Variants in ASCC3 observed in about 807,000 individuals in gnomAD.
ASCC3 encodes ASC-1 complex subunit P200.
A neutral mutation model predicts 256.3 loss-of-function variants in ASCC3; 158 were observed. The ratio of observed to expected loss-of-function variants is 0.62; its 90% CI spans 0.54 to 0.70. The LOEUF (loss-of-function observed/expected upper bound fraction) is 0.70. Ranked by LOEUF, ASCC3 falls within the 30% of genes least tolerant of loss-of-function variation. ASCC3 has a pLI of 0.00. For synonymous variants in ASCC3, 948 were observed against 883.4 expected (o/e 1.07, Z -1.30); for missense variants, 2,259 against 2,626.0 (o/e 0.86, Z 3.05).
intron 36 of ASCC3, among the ~76,000 whole-genome samples, chr6:100,544,537 C>A (rs1450263744): frequency 1.3e-5 from 2 of 151,928 alleles, no homozygotes; most frequent in East Asian, 3.9e-4. Context: ...ATATGAACAG[C>A]TTTATGCCTT....
intron 36 of ASCC3, among the ~76,000 whole-genome samples, chr6:100,561,108 A>AT (rs1344936387): frequency 6.7e-6 from 1 of 150,354 alleles, no homozygotes; most frequent in Non-Finnish European, 1.5e-5. Context: ...ATATCTGTAG[A>AT]TTTTTGTCTT....
chr6:100,582,731 G>A (rs1241034493), intron 36 of ASCC3, among the ~76,000 whole-genome samples: 2 of 151,924 alleles, frequency 1.3e-5, no homozygotes, highest in African/African-American at 2.4e-5. Context: ...GTTTGTCATA[G>A]ATAGCTCTTA....
intron 4 of ASCC3, among the ~76,000 whole-genome samples, chr6:100,837,896 A>C (rs1771954820): frequency 6.6e-6 from 1 of 152,114 alleles, no homozygotes; most frequent in Non-Finnish European, 1.5e-5. Flanking sequence ...TTTAATGTAA[A>C]AAAGGAATGA....
chr6:100,800,258 C>A, intron 6 of ASCC3, 42 bp downstream of exon 6: 1 of 1,585,468 alleles, frequency 6.3e-7, no homozygotes, highest in African/African-American at 1.3e-5. Context: ...GTAAAAGCAG[C>A]AATTACAACA....
At chr6:100,615,098 C>T (rs117814476) in intron 30 of ASCC3, among the ~76,000 whole-genome samples, 2,455 of 152,006 alleles carry the variant, frequency 0.016, 27 homozygotes, top group Non-Finnish European at 0.024. Context: ...TCACAGCAAC[C>T]TCTGTCTCCC....
intron 34 of ASCC3, among the ~76,000 whole-genome samples, chr6:100,590,553 T>C (rs1771953225): frequency 1.3e-5 from 2 of 152,098 alleles, no homozygotes; most frequent in African/African-American, 4.8e-5. Flanking sequence ...AGGTGAACCC[T>C]ATATCCTAGT....
chr6:100,682,334 T>C (rs1033258197), intron 13 of ASCC3, among the ~76,000 whole-genome samples: 1 of 152,184 alleles, frequency 6.6e-6, no homozygotes, highest in African/African-American at 2.4e-5. Context: ...TGAGAATCTA[T>C]TATGATGAAT....
intron 3 of ASCC3, among the ~76,000 whole-genome samples, chr6:100,854,896 A>C (rs1336365529): frequency 1.3e-5 from 2 of 152,178 alleles, no homozygotes; most frequent in Non-Finnish European, 2.9e-5. Context: ...AGGAAAAACA[A>C]ACAAAAAAGA....
At chr6:100,543,913 A>G (rs1775584042) in intron 36 of ASCC3, among the ~76,000 whole-genome samples, 1 of 152,116 alleles carries the variant, frequency 6.6e-6, no homozygotes. Flanking sequence ...ATTTATTCTC[A>G]AGAACACAGA....
intron 4 of ASCC3, among the ~76,000 whole-genome samples, chr6:100,811,093 G>A (rs932877325): frequency 3.3e-5 from 5 of 152,026 alleles, no homozygotes; most frequent in Admixed American, 6.6e-5. Context: ...GTCCAACAAC[G>A]TAAATATTTC....
intron 34 of ASCC3, among the ~76,000 whole-genome samples, chr6:100,595,324 G>A (rs1189318639): frequency 3.3e-5 from 5 of 151,996 alleles, no homozygotes; most frequent in African/African-American, 1.2e-4. Flanking sequence ...ATAATTATCA[G>A]TTAAAATTTT....
intron 36 of ASCC3, among the ~76,000 whole-genome samples, chr6:100,585,605 T>G (rs1771611261): frequency 6.6e-6 from 1 of 152,244 alleles, no homozygotes; most frequent in Non-Finnish European, 1.5e-5. Flanking sequence ...CCCTCCAGCT[T>G]TGTTCCGTTG....
At chr6:100,583,813 C>G (rs1771468236) in intron 36 of ASCC3, among the ~76,000 whole-genome samples, 1 of 152,158 alleles carries the variant, frequency 6.6e-6, no homozygotes, top group Non-Finnish European at 1.5e-5. Flanking sequence ...TTTCAAAGAA[C>G]ATCTTTATTT....
At chr6:100,782,871 T>A (rs972221426) in intron 8 of ASCC3, among the ~76,000 whole-genome samples, 2 of 152,084 alleles carry the variant, frequency 1.3e-5, no homozygotes, top group Non-Finnish European at 2.9e-5. Context: ...TTGCAGAAAT[T>A]CTGAAAGAAT....
At chr6:100,630,090 A>G (rs1038682245) in intron 26 of ASCC3, among the ~76,000 whole-genome samples, 1 of 151,722 alleles carries the variant, frequency 6.6e-6, no homozygotes, top group African/African-American at 2.4e-5. Context: ...GGGTTTCACT[A>G]TGTCGGCCAG....
intron 10 of ASCC3, among the ~76,000 whole-genome samples, chr6:100,735,735 C>T (rs944124676): frequency 6.6e-6 from 1 of 152,054 alleles, no homozygotes; most frequent in African/African-American, 2.4e-5. Flanking sequence ...TACATACATA[C>T]ACAAAATTAA....
At chr6:100,783,144 C>A (rs763301560) in intron 8 of ASCC3, among the ~76,000 whole-genome samples, 3 of 152,058 alleles carry the variant, frequency 2.0e-5, no homozygotes, top group South Asian at 4.1e-4. Context: ...CTCATTATTC[C>A]TTGAATTCTA....
At chr6:100,872,823 T>G (rs962598566) in intron 1 of ASCC3, among the ~76,000 whole-genome samples, 5 of 152,090 alleles carry the variant, frequency 3.3e-5, no homozygotes, top group African/African-American at 1.2e-4. Context: ...GGAAGCCATA[T>G]CCCTAGGAAA....
intron 23 of ASCC3, 64 bp from the exon 24 acceptor site, chr6:100,642,813 T>G: frequency 7.2e-7 from 1 of 1,385,826 alleles, no homozygotes; most frequent in South Asian, 1.2e-5. Flanking sequence ...CTTATTAGTC[T>G]ATTGTTAAGA....
Sources: allele counts gnomAD v4.1 joint callset (sites outside exome capture counted in the v4.1 genomes callset), GRCh38; gene constraint gnomAD v4.1.1; transcripts MANE v1.5; gene names NCBI Gene and HGNC (gene_info 2026-07-23, HGNC 2026-07-21).